The following EYA2 variants were observed in gnomAD, a reference collection of about 807,000 sequenced individuals.
EYA2 encodes EYA transcriptional coactivator and phosphatase 2.
EYA2 carries 31 observed loss-of-function variants against 69.2 expected under a neutral mutation model. That is an observed-to-expected ratio of 0.45 (90% CI 0.34 to 0.60). The LOEUF (loss-of-function observed/expected upper bound fraction) is 0.60. Ranked by LOEUF, EYA2 falls within the 20% of genes least tolerant of loss-of-function variation. The pLI is 0.02. For missense variants in EYA2, 622 were observed against 701.2 expected, an observed-to-expected ratio of 0.89 and a Z score of 1.28; for synonymous variants, 257 against 279.4, an observed-to-expected ratio of 0.92 and a Z score of 0.80.
Position 47,101,501 on chromosome 20 carries a change from T to G in EYA2, c.888+4333T>G, listed in dbSNP as rs558745236. 3.3e-5 allele frequency among the ~76,000 whole-genome samples: 5 copies of G among 152,360 alleles called. No individual in the cohort carries two copies. The South Asian group carries it at 1.0e-3, about 32-fold the overall frequency. On this transcript the variant is annotated intron_variant, in intron 9 of 15. Transcript: ENST00000327619. ...TCTACCTGCAAGGGAGTCTGTGAAA[T>G]GTACTCTTTATTTGAGGCTGTCATG...
At chr20:47,150,229 C>G (rs777877239) in intron 10 of EYA2, among the ~76,000 whole-genome samples, 15 of 152,208 alleles carry the variant, frequency 9.9e-5, no homozygotes, top group Non-Finnish European at 1.9e-4. Flanking sequence ...GTCCGCTTCT[C>G]TTCACTCCCC....
At chr20:47,161,448 A>C in intron 10 of EYA2, 3 of 438,670 alleles carry the variant, frequency 6.8e-6, no homozygotes, top group Non-Finnish European at 1.3e-5. Context: ...AAAGTCAATG[A>C]TCTCAAACTC....
At chr20:46,899,886 T>C (rs1399949206) in intron 1 of EYA2, among the ~76,000 whole-genome samples, 1 of 152,208 alleles carries the variant, frequency 6.6e-6, no homozygotes, top group African/African-American at 2.4e-5. Context: ...TCGTGCATTT[T>C]TGAAAAGTCT....
chr20:46,918,846 T>C (rs1205165338), intron 1 of EYA2, among the ~76,000 whole-genome samples: 1 of 152,260 alleles, frequency 6.6e-6, no homozygotes, highest in Non-Finnish European at 1.5e-5. Flanking sequence ...TATGGCCTTA[T>C]GAAATGCATT....
At chr20:46,951,229 T>C (rs921247267) in intron 1 of EYA2, among the ~76,000 whole-genome samples, 3 of 152,274 alleles carry the variant, frequency 2.0e-5, no homozygotes, top group East Asian at 3.9e-4. Context: ...ATTAGTGGAA[T>C]GGTTTCCTGA....
At chr20:47,097,807 A>T (rs1247355717) in intron 9 of EYA2, among the ~76,000 whole-genome samples, 1 of 152,206 alleles carries the variant, frequency 6.6e-6, no homozygotes, top group African/African-American at 2.4e-5. Context: ...GGTTCATCCC[A>T]TGGGCTACTG....
At chr20:47,063,392 CGTGTGTGTGTGTGT>C (rs35187186) in intron 5 of EYA2, among the ~76,000 whole-genome samples, 27 of 143,490 alleles carry the variant, frequency 1.9e-4, no homozygotes, top group Admixed American at 4.2e-4. Context: ...TGTGCGTGTG[CGTGTGTGTGTGTGT>C]GTGTGTGTGT....
intron 4 of EYA2, among the ~76,000 whole-genome samples, chr20:47,010,506 G>A (rs6124915): frequency 7.9e-5 from 12 of 152,178 alleles, no homozygotes; most frequent in East Asian, 1.9e-4. Context: ...TGGCACACAC[G>A]TGCTCCCAGC....
chr20:47,169,096 G>A (rs1265686853), intron 10 of EYA2, 43 bp from the exon 11 acceptor site: 3 of 1,553,556 alleles, frequency 1.9e-6, no homozygotes, highest in East Asian at 4.5e-5. Context: ...GATTAACCAG[G>A]CATGTTCTCT....
chr20:47,023,493 T>C (rs1183670645), intron 5 of EYA2, among the ~76,000 whole-genome samples: 1 of 152,198 alleles, frequency 6.6e-6, no homozygotes, highest in Non-Finnish European at 1.5e-5. Flanking sequence ...TTCAAATTTT[T>C]GTCTGATGTT....
intron 5 of EYA2, among the ~76,000 whole-genome samples, chr20:47,018,072 A>T (rs1028747683): frequency 6.6e-6 from 1 of 152,176 alleles, no homozygotes; most frequent in Admixed American, 6.5e-5. Context: ...GGAGTGAATG[A>T]TGGCACCGGC....
At chr20:47,059,912 T>A (rs376678509) in intron 5 of EYA2, among the ~76,000 whole-genome samples, 1 of 152,354 alleles carries the variant, frequency 6.6e-6, no homozygotes, top group South Asian at 2.1e-4. Context: ...CCTTTCACTA[T>A]TCTGTCTTCC....
intron 9 of EYA2, 152 bp downstream of exon 9, chr20:47,097,320 A>T: frequency 1.7e-6 from 1 of 579,362 alleles, no homozygotes; most frequent in East Asian, 3.1e-5. Context: ...AATTCCTATG[A>T]CATTTTCCTT....
At chr20:47,187,240 G>A (rs2034662133) in intron 15 of EYA2, among the ~76,000 whole-genome samples, 1 of 151,620 alleles carries the variant, frequency 6.6e-6, no homozygotes, top group Non-Finnish European at 1.5e-5. Flanking sequence ...GTGGTGGCAT[G>A]CATCTGTTGT....
At chr20:46,896,335 T>C (rs765939440) in intron 1 of EYA2, among the ~76,000 whole-genome samples, 1 of 151,922 alleles carries the variant, frequency 6.6e-6, no homozygotes, top group Non-Finnish European at 1.5e-5. Context: ...GATACAGAAC[T>C]AGTAAGCACC....
At chr20:46,962,143 C>T (rs908748289) in intron 1 of EYA2, among the ~76,000 whole-genome samples, 16 of 152,344 alleles carry the variant, frequency 1.1e-4, no homozygotes, top group African/African-American at 3.8e-4. Context: ...ATCCTCCCAC[C>T]TCAGCCTCCT....
rs143597334 is a variant in EYA2, at chr20:47,129,010, G to A, written c.889-14049G>A. ...ATGGTGGCATGTGCCCATAGTCCCA[G>A]CTACTCAGGAGGCTGAGGCAGGAGA... On this transcript the variant is annotated intron_variant, in intron 9 of 15. Transcript: ENST00000327619. Among the ~76,000 whole-genome samples the A allele has an allele frequency of 3.6e-3, 547 of 152,278 alleles. 5 individuals carry two copies. Among genetic ancestry groups the A allele is most frequent in the African/African-American group, 0.012 (516 of 41,536 alleles).
chr20:46,913,677 T>G (rs375773630), intron 1 of EYA2, among the ~76,000 whole-genome samples: 31 of 152,128 alleles, frequency 2.0e-4, no homozygotes, highest in African/African-American at 7.2e-4. Context: ...ATAGAGCCGA[T>G]AGAATTTGCT....
At chr20:47,178,927 G>A (rs2034479380) in intron 12 of EYA2, among the ~76,000 whole-genome samples, 1 of 151,250 alleles carries the variant, frequency 6.6e-6, no homozygotes, top group African/African-American at 2.4e-5. Flanking sequence ...GAGCAAGTCA[G>A]TCAACATCAC....
Sources: allele counts gnomAD v4.1 joint callset (sites outside exome capture counted in the v4.1 genomes callset), GRCh38; gene constraint gnomAD v4.1.1; transcripts MANE v1.5; gene names NCBI Gene and HGNC (gene_info 2026-07-23, HGNC 2026-07-21).